PBX1: variants seen among roughly 807,000 people sequenced by gnomAD.
PBX1 encodes the protein pre-B-cell leukemia transcription factor 1.
In PBX1, 6 loss-of-function variants were observed where a neutral mutation model predicts 53.4. The observed-to-expected ratio is 0.11, with a 90% CI of 0.06 to 0.22. The LOEUF is 0.22. Among genes scored for constraint, PBX1 ranks in the 10% least tolerant of loss-of-function variants. The pLI is 1.00. For synonymous variants in PBX1, 204 were observed against 212.3 expected, an observed-to-expected ratio of 0.96 and a Z score of 0.34; for missense variants, 251 against 551.4, an observed-to-expected ratio of 0.46 and a Z score of 5.46.
rs1298260303 is a variant in PBX1, at chr1:164,613,046, GAAC to G, written c.265+49747_265+49749del. Among the ~76,000 whole-genome samples, 4 of 152,166 alleles carry G rather than the reference GAAC, an allele frequency of 2.6e-5. No homozygotes were observed. The South Asian group carries it at 8.3e-4, about 32-fold the overall frequency. On this transcript the variant is annotated intron_variant, in intron 2 of 8. Coordinates refer to ENST00000420696, the MANE Select transcript of PBX1 (RefSeq NM_002585.4). Reference sequence around the variant, plus strand: ...AGGGATCACTGTATGAGAATTTCCTGAACAACAACAACAAAAAAACCCTTCTAG... The same window carrying G: ...AGGGATCACTGTATGAGAATTTCCTGAACAACAACAAAAAAACCCTTCTAG...
At chr1:164,836,764 C>T (rs952110651) in intron 8 of PBX1, among the ~76,000 whole-genome samples, 1 of 152,176 alleles carries the variant, frequency 6.6e-6, no homozygotes, top group South Asian at 2.1e-4. Context: ...GCAGCAAACT[C>T]TCTGGTGACA....
intron 2 of PBX1, among the ~76,000 whole-genome samples, chr1:164,750,073 G>C (rs889487506): frequency 6.6e-6 from 1 of 151,474 alleles, no homozygotes; most frequent in African/African-American, 2.4e-5. Flanking sequence ...CATTAGCCCG[G>C]GTGACAGAGT....
chr1:164,761,598 C>G (rs1252128901), intron 2 of PBX1, among the ~76,000 whole-genome samples: 2 of 152,140 alleles, frequency 1.3e-5, no homozygotes, highest in Admixed American at 6.5e-5. Flanking sequence ...GTGCGCGCCA[C>G]CATGCCCGGC....
intron 2 of PBX1, among the ~76,000 whole-genome samples, chr1:164,732,230 A>C (rs1665029328): frequency 6.6e-6 from 1 of 152,168 alleles, no homozygotes; most frequent in Non-Finnish European, 1.5e-5. Context: ...TCTTTTTAAA[A>C]CATGGTCTTA....
At chr1:164,777,919 G>T (rs1328977317) in intron 2 of PBX1, among the ~76,000 whole-genome samples, 2 of 152,142 alleles carry the variant, frequency 1.3e-5, no homozygotes, top group East Asian at 1.9e-4. Context: ...TAACCTTCTG[G>T]TTTTTTGCAG....
chr1:164,761,694 C>T (rs1227422994), intron 2 of PBX1, among the ~76,000 whole-genome samples: 7 of 152,282 alleles, frequency 4.6e-5, no homozygotes, highest in South Asian at 2.1e-4. Flanking sequence ...CCGCCCGTCT[C>T]GGCCTCCCAA....
intron 2 of PBX1, among the ~76,000 whole-genome samples, chr1:164,871,981 G>A (rs1672394488): frequency 6.6e-6 from 1 of 152,112 alleles, no homozygotes; most frequent in Non-Finnish European, 1.5e-5. Flanking sequence ...GATAGCATGT[G>A]TTCAATAAAT....
chr1:164,682,477 C>G (rs1661835099), intron 2 of PBX1: 1 of 151,962 alleles, frequency 6.6e-6, no homozygotes, highest in Admixed American at 6.6e-5. Flanking sequence ...ATAAGGAAAA[C>G]AAAACCAAAC....
intron 2 of PBX1, among the ~76,000 whole-genome samples, chr1:164,603,372 T>C (rs1372289474): frequency 6.6e-6 from 1 of 152,128 alleles, no homozygotes; most frequent in African/African-American, 2.4e-5. Flanking sequence ...GTATTAAAAA[T>C]TAAAATTAGG....
At chr1:164,597,252 TG>T (rs751825480) in intron 2 of PBX1, among the ~76,000 whole-genome samples, 11 of 152,234 alleles carry the variant, frequency 7.2e-5, no homozygotes, top group Non-Finnish European at 1.6e-4. Context: ...TCAGCCAGGA[TG>T]GGTTTATGTG....
At chr1:164,653,755 G>T (rs2101929260) in intron 2 of PBX1, among the ~76,000 whole-genome samples, 2 of 152,266 alleles carry the variant, frequency 1.3e-5, no homozygotes, top group East Asian at 1.9e-4. Flanking sequence ...GGGTAACAGA[G>T]TGAGGAGTGA....
intron 2 of PBX1, among the ~76,000 whole-genome samples, chr1:164,778,608 G>T (rs776773820): frequency 8.7e-5 from 13 of 149,814 alleles, no homozygotes; most frequent in African/African-American, 1.2e-4. Flanking sequence ...CTGCACTCCA[G>T]CCTGGACAAC....
intron 2 of PBX1, among the ~76,000 whole-genome samples, chr1:164,708,486 G>T (rs1309967198): frequency 6.6e-6 from 1 of 152,052 alleles, no homozygotes; most frequent in African/African-American, 2.4e-5. Context: ...GGCTTCTATT[G>T]AATCCCTCAC....
At chr1:164,612,140 G>T (rs1039683276) in intron 2 of PBX1, among the ~76,000 whole-genome samples, 1 of 152,152 alleles carries the variant, frequency 6.6e-6, no homozygotes, top group African/African-American at 2.4e-5. Flanking sequence ...TGGAGGCGGG[G>T]CTAGGGTGGT....
At chr1:164,668,320 T>C (rs566512859) in intron 2 of PBX1, among the ~76,000 whole-genome samples, 1 of 152,272 alleles carries the variant, frequency 6.6e-6, no homozygotes, top group Non-Finnish European at 1.5e-5. Context: ...CCAGACCCGA[T>C]TGTGTCTTGA....
chr1:164,642,278 A>G, intron 2 of PBX1: 1 of 152,232 alleles, frequency 6.6e-6, no homozygotes, highest in Non-Finnish European at 1.5e-5. Context: ...ACTGAGTCCC[A>G]GCAAGTAGAA....
chr1:164,724,415 A>G (rs1384353133), intron 2 of PBX1, among the ~76,000 whole-genome samples: 1 of 152,224 alleles, frequency 6.6e-6, no homozygotes, highest in East Asian at 1.9e-4. Flanking sequence ...ATGGAAGAAG[A>G]TGAATTGTCT....
intron 2 of PBX1, among the ~76,000 whole-genome samples, chr1:164,693,187 T>C (rs1662598188): frequency 6.6e-6 from 1 of 152,136 alleles, no homozygotes; most frequent in South Asian, 2.1e-4. Context: ...GAGCAGAGTT[T>C]GGATGTACAA....
chr1:164,580,427 C>T (rs1654528870), intron 2 of PBX1, among the ~76,000 whole-genome samples: 3 of 152,002 alleles, frequency 2.0e-5, no homozygotes, highest in South Asian at 2.1e-4. Context: ...TACAGGCGTG[C>T]GCCACCATGC....
Sources: allele counts gnomAD v4.1 joint callset (sites outside exome capture counted in the v4.1 genomes callset), GRCh38; gene constraint gnomAD v4.1.1; transcripts MANE v1.5; gene names NCBI Gene and HGNC (gene_info 2026-07-23, HGNC 2026-07-21).